Variants in B3GALT1 observed in about 807,000 individuals in gnomAD.
B3GALT1 encodes the protein UDP-Gal:betaGlcNAc beta 1,3-galactosyltransferase, polypeptide 1.
A neutral mutation model predicts 23.2 loss-of-function variants in B3GALT1; 10 were observed. The ratio of observed to expected loss-of-function variants is 0.43; its 90% CI spans 0.27 to 0.73. B3GALT1 has a LOEUF of 0.73. Ranked by LOEUF, B3GALT1 falls within the 30% of genes least tolerant of loss-of-function variation. B3GALT1 has a pLI of 0.21. For synonymous variants in B3GALT1, 156 were observed against 141.5 expected, an observed-to-expected ratio of 1.10 and a Z score of -0.73; for missense variants, 299 against 405.4, an observed-to-expected ratio of 0.74 and a Z score of 2.25.
At chr2:167,294,417 C>G (rs1489105671) in intron 1 of B3GALT1, among the ~76,000 whole-genome samples, 1 of 152,238 alleles carries the variant, frequency 6.6e-6, no homozygotes, top group Non-Finnish European at 1.5e-5. Flanking sequence ...TTGAGAGTTC[C>G]ACCCGTGCTG....
chr2:167,683,290 G>A (rs1035474619), intron 3 of B3GALT1, among the ~76,000 whole-genome samples: 3 of 152,124 alleles, frequency 2.0e-5, no homozygotes, highest in African/African-American at 4.8e-5. Context: ...TCCAAGGAAG[G>A]TGCAGGGTGA....
At chr2:167,715,343 T>A in intron 3 of B3GALT1, 1 of 1,613,936 alleles carries the variant, frequency 6.2e-7, no homozygotes, top group Non-Finnish European at 8.5e-7. Context: ...TATTTTCTGT[T>A]TATTAAGTTC....
chr2:167,538,542 A>G (rs1185176745), intron 2 of B3GALT1, among the ~76,000 whole-genome samples: 1 of 152,180 alleles, frequency 6.6e-6, no homozygotes, highest in Non-Finnish European at 1.5e-5. Flanking sequence ...TGTATAATAT[A>G]CCTGACCTCT....
intron 1 of B3GALT1, among the ~76,000 whole-genome samples, chr2:167,308,916 C>T (rs1490936222): frequency 2.1e-4 from 32 of 152,006 alleles, no homozygotes; most frequent in Non-Finnish European, 8.8e-5. Context: ...TCCTTTTGGA[C>T]TGTGGCATTA....
intron 1 of B3GALT1, among the ~76,000 whole-genome samples, chr2:167,341,006 A>T (rs1220318449): frequency 6.6e-6 from 1 of 152,166 alleles, no homozygotes; most frequent in Non-Finnish European, 1.5e-5. Flanking sequence ...TAAAACAATA[A>T]AATCAAATGG....
intron 1 of B3GALT1, among the ~76,000 whole-genome samples, chr2:167,296,900 A>G (rs545885172): frequency 6.6e-6 from 1 of 152,266 alleles, no homozygotes; most frequent in South Asian, 2.1e-4. Context: ...TGTTTATTCT[A>G]AGATCTAGAT....
intron 1 of B3GALT1, among the ~76,000 whole-genome samples, chr2:167,315,702 C>T (rs1366969888): frequency 6.6e-6 from 1 of 152,110 alleles, no homozygotes; most frequent in Admixed American, 6.6e-5. Flanking sequence ...CTCAGTAAGT[C>T]GAGCAGAATT....
chr2:167,520,456 A>G (rs2105360882), intron 2 of B3GALT1, among the ~76,000 whole-genome samples: 1 of 152,234 alleles, frequency 6.6e-6, no homozygotes, highest in Admixed American at 6.5e-5. Flanking sequence ...TGTGGTGGAG[A>G]AGGACTCTCT....
intron 3 of B3GALT1, among the ~76,000 whole-genome samples, chr2:167,649,256 A>G (rs1472094976): frequency 6.6e-6 from 1 of 152,116 alleles, no homozygotes; most frequent in Non-Finnish European, 1.5e-5. Context: ...ATGCATAATA[A>G]ATGTAACACA....
chr2:167,360,656 C>A (rs1380964236), intron 1 of B3GALT1, among the ~76,000 whole-genome samples: 1 of 151,936 alleles, frequency 6.6e-6, no homozygotes, highest in Non-Finnish European at 1.5e-5. Context: ...CAATTTGATA[C>A]CTGTATACAA....
At position 167,624,926 on chromosome 2, in the gene B3GALT1, T is replaced by C. The variant is rs74637314; in HGVS notation, c.-409-21983T>C. Among the ~76,000 whole-genome samples the C allele has an allele frequency of 6.1e-3, 935 of 152,096 alleles. 34 individuals carry two copies. In the East Asian group the frequency reaches 0.1, roughly 17 times the overall value. On this transcript the variant is annotated intron_variant, in intron 2 of 4. Coordinates refer to ENST00000392690, the MANE Select transcript of B3GALT1 (RefSeq NM_020981.4). Reference sequence around the variant, plus strand: ...TGTCTAAAGATTGGTCAATTCTAACTGATCAACTGGCTAGTGATTTTTCTA... The same window carrying C: ...TGTCTAAAGATTGGTCAATTCTAACCGATCAACTGGCTAGTGATTTTTCTA...
chr2:167,832,956 G>T (rs558699235), intron 4 of B3GALT1, among the ~76,000 whole-genome samples: 1 of 152,348 alleles, frequency 6.6e-6, no homozygotes, highest in East Asian at 1.9e-4. Context: ...ACGAGCCAGG[G>T]CCATTAGTCA....
chr2:167,607,655 A>G (rs1051840892), intron 2 of B3GALT1, among the ~76,000 whole-genome samples: 5 of 152,218 alleles, frequency 3.3e-5, no homozygotes, highest in African/African-American at 9.6e-5. Flanking sequence ...ACCAGGGTAA[A>G]TACTACAATG....
chr2:167,631,677 C>G (rs1295797729), intron 2 of B3GALT1: 1 of 149,672 alleles, frequency 6.7e-6, no homozygotes, highest in South Asian at 2.1e-4. Context: ...TCTTAGTTGT[C>G]TTAGTTGAAT....
chr2:167,565,148 C>T (rs1215896769), intron 2 of B3GALT1, among the ~76,000 whole-genome samples: 3 of 152,048 alleles, frequency 2.0e-5, no homozygotes, highest in Non-Finnish European at 2.9e-5. Flanking sequence ...GGTACTGGTA[C>T]CAAAACAGAG....
chr2:167,352,496 C>T (rs1191584498), intron 1 of B3GALT1, among the ~76,000 whole-genome samples: 3 of 147,340 alleles, frequency 2.0e-5, no homozygotes, highest in South Asian at 2.2e-4. Context: ...CCGAGGTGGG[C>T]GGATCACAAG....
intron 2 of B3GALT1, among the ~76,000 whole-genome samples, chr2:167,512,650 A>ATATATATTTT (rs1558887986): frequency 8.4e-6 from 1 of 119,638 alleles, no homozygotes; most frequent in Non-Finnish European, 1.7e-5. Flanking sequence ...ATATATATAT[A>ATATATATTTT]TTTTGAGATA....
intron 2 of B3GALT1, among the ~76,000 whole-genome samples, chr2:167,512,572 A>G (rs1469253497): frequency 1.1e-5 from 1 of 94,296 alleles, no homozygotes; most frequent in African/African-American, 4.3e-5. Flanking sequence ...ATATATGTAT[A>G]TATATATGTA....
At chr2:167,319,094 AG>A (rs1696763251) in intron 1 of B3GALT1, among the ~76,000 whole-genome samples, 1 of 152,084 alleles carries the variant, frequency 6.6e-6, no homozygotes, top group Non-Finnish European at 1.5e-5. Flanking sequence ...TCTTGCTCTG[AG>A]ATGGTTTTTA....
Sources: gnomAD v4.1 joint callset for allele counts (sites outside exome capture counted in the v4.1 genomes callset) on GRCh38, gnomAD v4.1.1 for gene constraint, MANE v1.5 for transcripts, NCBI Gene and HGNC (gene_info 2026-07-23, HGNC 2026-07-21) for gene names.